Variants in TRIM51G observed in about 807,000 individuals in gnomAD.
TRIM51G encodes tripartite motif-containing protein 51G.
the TRIM51G span, chr11:48,980,979 T>C: frequency 1.9e-6 from 1 of 539,216 alleles, no homozygotes; most frequent in East Asian, 5.2e-5. Flanking sequence ...CCATAAAGAC[T>C]GCATTTTTCT....
At chr11:48,978,688 G>C in the TRIM51G span, among the ~76,000 whole-genome samples, 3 of 152,164 alleles carry the variant, frequency 2.0e-5, no homozygotes, top group East Asian at 5.8e-4. Context: ...AAAGTAGGAG[G>C]GACCTTCGGT....
At chr11:48,975,570 G>A in the TRIM51G span, 1 of 1,378,958 alleles carries the variant, frequency 7.3e-7, no homozygotes, top group African/African-American at 1.4e-5. Context: ...TGTATATCAG[G>A]GAACTTCTAT....
At chr11:48,982,951 ATATACAT>A in the TRIM51G span, among the ~76,000 whole-genome samples, 1 of 4,062 alleles carries the variant, frequency 2.5e-4, no homozygotes, top group African/African-American at 4.2e-4. Context: ...TTTTTGGTAT[ATATACAT>A]ATATATATAT....
chr11:48,982,822 C>T, the TRIM51G span, among the ~76,000 whole-genome samples: 1 of 138,108 alleles, frequency 7.2e-6, no homozygotes, highest in Non-Finnish European at 1.6e-5. Context: ...ATAGGGTATA[C>T]TTACACAAAC....
chr11:48,978,232 G>C, the TRIM51G span: 5 of 520,160 alleles, frequency 9.6e-6, no homozygotes, highest in Non-Finnish European at 2.0e-5. Flanking sequence ...GTGTGATATG[G>C]AGACAGTTTC....
At chr11:48,978,308 A>G in the TRIM51G span, 10 of 410,054 alleles carry the variant, frequency 2.4e-5, no homozygotes, top group South Asian at 1.7e-4. Flanking sequence ...TCTCATGAAA[A>G]TCCCAGTCTA....
chr11:48,977,396 C>G, the TRIM51G span, among the ~76,000 whole-genome samples: 45 of 152,142 alleles, frequency 3.0e-4, no homozygotes, highest in African/African-American at 1.1e-3. Flanking sequence ...TTATTCGGAT[C>G]TTTCTTCGTA....
chr11:48,979,105 G>T, the TRIM51G span: 214 of 786,312 alleles, frequency 2.7e-4, 1 homozygote, highest in Non-Finnish European at 5.3e-5. Context: ...ACATAATCCT[G>T]CAGTGACAAT....
At chr11:48,981,513 C>G in the TRIM51G span, 2 of 1,605,428 alleles carry the variant, frequency 1.2e-6, no homozygotes, top group Non-Finnish European at 1.7e-6. Context: ...TGAGGTTTCT[C>G]TGCCGTGTTG....
chr11:48,982,214 A>T, the TRIM51G span, among the ~76,000 whole-genome samples: 1 of 152,278 alleles, frequency 6.6e-6, no homozygotes, highest in African/African-American at 2.4e-5. Context: ...ATAAACAAAA[A>T]GACAACAATT....
chr11:48,982,271 T>C, the TRIM51G span, among the ~76,000 whole-genome samples: 1 of 152,006 alleles, frequency 6.6e-6, no homozygotes, highest in Non-Finnish European at 1.5e-5. Flanking sequence ...ATGAAAAATA[T>C]TGGGTTTTTC....
chr11:48,979,152 A>C, the TRIM51G span: 1 of 674,660 alleles, frequency 1.5e-6, no homozygotes, highest in African/African-American at 1.8e-5. Flanking sequence ...TCTTCTCTTG[A>C]ATTTCACTGA....
chr11:48,983,461 A>ATCCCTCC, the TRIM51G span, among the ~76,000 whole-genome samples: 1 of 152,110 alleles, frequency 6.6e-6, no homozygotes, highest in South Asian at 2.1e-4. Context: ...CATGCAGTAC[A>ATCCCTCC]CATATATAGG....
chr11:48,982,526 A>G, the TRIM51G span, among the ~76,000 whole-genome samples: 10 of 152,054 alleles, frequency 6.6e-5, no homozygotes, highest in Admixed American at 5.2e-4. Context: ...GCAACCCTCA[A>G]TGTGGGTGGA....
chr11:48,975,942 AT>A, the TRIM51G span: 1 of 730,396 alleles, frequency 1.4e-6, no homozygotes, highest in South Asian at 1.3e-5. Context: ...TGCTTCTCAA[AT>A]CTCCATGCAG....
chr11:48,979,178 T>G, the TRIM51G span: 3 of 640,726 alleles, frequency 4.7e-6, no homozygotes, highest in South Asian at 1.5e-5. Flanking sequence ...CTTAGCATTC[T>G]GAACACCCAA....
At chr11:48,981,855 A>G in the TRIM51G span, among the ~76,000 whole-genome samples, 3 of 152,312 alleles carry the variant, frequency 2.0e-5, no homozygotes, top group East Asian at 5.8e-4. Context: ...ATTCATACAC[A>G]AAGAGAGTCT....
chr11:48,979,692 CAT>C, the TRIM51G span, among the ~76,000 whole-genome samples: 7 of 151,494 alleles, frequency 4.6e-5, no homozygotes, highest in African/African-American at 7.3e-5. Context: ...TGTATATATA[CAT>C]ATTTCTCATA....
the TRIM51G span, among the ~76,000 whole-genome samples, chr11:48,978,584 A>G: frequency 2.0e-5 from 3 of 152,180 alleles, no homozygotes; most frequent in Non-Finnish European, 4.4e-5. Context: ...TCTACTTTCA[A>G]AAATCCTAAA....
Sources: allele counts gnomAD v4.1 joint callset (sites outside exome capture counted in the v4.1 genomes callset), GRCh38; gene constraint gnomAD v4.1.1; transcripts MANE v1.5; gene names NCBI Gene and HGNC (gene_info 2026-07-23, HGNC 2026-07-21).